The following FARSB variants were observed in gnomAD, a reference collection of about 807,000 sequenced individuals.
FARSB encodes phenylalanine--tRNA ligase beta subunit.
In FARSB, 40 loss-of-function variants were observed where a neutral mutation model predicts 69.6. The observed-to-expected ratio is 0.57, with a 90% confidence interval of 0.45 to 0.75. FARSB has a LOEUF of 0.75. Ranked by LOEUF, FARSB falls within the 30% of genes least tolerant of loss-of-function variation. The probability of loss-of-function intolerance (pLI) is 0.00; values close to 1 mark genes in which losing one functional copy is unlikely to be tolerated. For missense variants in FARSB, 632 were observed against 722.9 expected, an observed-to-expected ratio of 0.87 and a Z score of 1.44; for synonymous variants, 235 against 247.2, an observed-to-expected ratio of 0.95 and a Z score of 0.46.
chr2:222,643,289 C>G (rs1691768448), intron 2 of FARSB, among the ~76,000 whole-genome samples: 1 of 152,148 alleles, frequency 6.6e-6, no homozygotes, highest in Admixed American at 6.5e-5. Context: ...GCAATAGCCC[C>G]CTGGCCAAAT....
At chr2:222,576,384 A>AG (rs370201861) in intron 16 of FARSB, among the ~76,000 whole-genome samples, 138 of 151,642 alleles carry the variant, frequency 9.1e-4, no homozygotes, top group Middle Eastern at 3.4e-3. Context: ...CAAAATATAA[A>AG]GGGGGGGGCA....
Position 222,639,630 on chromosome 2 carries a change from T to C in FARSB, c.405A>G (p.Arg135=). ...VLRNIKFTKD[R]YDSFIELQEK... is the part of the protein sequence containing the mutation. ...CCTGAAGTTCAATGAAGCTGTCATA[T>C]CGATCTTTAGTAAACTTTATATTAC... Residue 135 remains arginine, a synonymous_variant, in exon 5 of 17, where the codon CGA becomes CGG. Coordinates refer to ENST00000281828, the MANE Select transcript of FARSB (RefSeq NM_005687.5). The C allele has an allele frequency of 6.3e-7, 1 of 1,598,448 alleles. No homozygotes were observed. Among genetic ancestry groups the C allele is most frequent in the Non-Finnish European group, 8.5e-7 (1 of 1,171,040 alleles).
chr2:222,613,955 T>C (rs771418814), intron 14 of FARSB, 27 bp from the exon 15 acceptor site: 2 of 1,399,734 alleles, frequency 1.4e-6, no homozygotes, highest in Non-Finnish European at 1.0e-6. Context: ...GAAATTGCAC[T>C]GACCAAATAG....
intron 15 of FARSB, among the ~76,000 whole-genome samples, chr2:222,613,520 G>C (rs1412485470): frequency 1.3e-5 from 2 of 152,200 alleles, no homozygotes; most frequent in Non-Finnish European, 2.9e-5. Context: ...ACTCCAGCCT[G>C]GGTGAAGAGT....
chr2:222,580,304 A>C (rs1488124897), intron 16 of FARSB, among the ~76,000 whole-genome samples: 1 of 152,034 alleles, frequency 6.6e-6, no homozygotes, highest in African/African-American at 2.4e-5. Context: ...CCTATTATTC[A>C]TTAGTATAAA....
intron 13 of FARSB, among the ~76,000 whole-genome samples, chr2:222,622,941 C>T (rs1691177515): frequency 6.6e-6 from 1 of 152,150 alleles, no homozygotes; most frequent in African/African-American, 2.4e-5. Flanking sequence ...CCCTTAAATA[C>T]TCTAAAATAT....
chr2:222,604,969 T>C (rs958646425), intron 15 of FARSB, among the ~76,000 whole-genome samples: 1 of 139,270 alleles, frequency 7.2e-6, no homozygotes, highest in Non-Finnish European at 1.6e-5. Context: ...CAGTGGGCCA[T>C]ATCTATGCCA....
At chr2:222,615,843 C>T (rs1218591375) in intron 14 of FARSB, among the ~76,000 whole-genome samples, 1 of 152,230 alleles carries the variant, frequency 6.6e-6, no homozygotes, top group African/African-American at 2.4e-5. Flanking sequence ...AAATATTATT[C>T]ATTTTCCCCA....
At chr2:222,590,548 CAAAAAAA>C (rs377051875) in intron 16 of FARSB, among the ~76,000 whole-genome samples, 1 of 114,064 alleles carries the variant, frequency 8.8e-6, no homozygotes, top group Non-Finnish European at 1.8e-5. Context: ...CCTTTTAGGC[CAAAAAAA>C]AAAAAAAAAA....
chr2:222,613,361 A>G (rs1167988294), intron 15 of FARSB, among the ~76,000 whole-genome samples: 3 of 152,128 alleles, frequency 2.0e-5, no homozygotes, highest in East Asian at 3.8e-4. Context: ...CCTGGCCAAC[A>G]TGGTGAAACA....
chr2:222,606,603 C>T (rs533643116), intron 15 of FARSB, among the ~76,000 whole-genome samples: 15 of 152,226 alleles, frequency 9.9e-5, no homozygotes, highest in East Asian at 9.6e-4. Context: ...AAAGGAGGGG[C>T]GGCTAGCTAC....
intron 1 of FARSB, among the ~76,000 whole-genome samples, chr2:222,655,453 T>C (rs1297295961): frequency 6.6e-6 from 1 of 152,204 alleles, no homozygotes; most frequent in Admixed American, 6.5e-5. Context: ...CCGAAATCAT[T>C]TTATTAACGT....
chr2:222,652,576 A>ATG (rs1652730583), intron 1 of FARSB, among the ~76,000 whole-genome samples: 1 of 152,204 alleles, frequency 6.6e-6, no homozygotes, highest in Non-Finnish European at 1.5e-5. Context: ...AAGTAGTCCT[A>ATG]TGGAGAGGAT....
chr2:222,623,396 C>A (rs186865690), intron 13 of FARSB, among the ~76,000 whole-genome samples: 306 of 152,260 alleles, frequency 2.0e-3, no homozygotes, highest in Non-Finnish European at 3.5e-3. Context: ...TCACATGAAA[C>A]TATAAAATAC....
chr2:222,607,778 C>T (rs1455530172), intron 15 of FARSB, among the ~76,000 whole-genome samples: 1 of 151,756 alleles, frequency 6.6e-6, no homozygotes, highest in Non-Finnish European at 1.5e-5. Flanking sequence ...AACAATTTTC[C>T]TTAAAATGCC....
chr2:222,640,985 ATAAT>A (rs903742887), intron 3 of FARSB, 54 bp from the exon 4 acceptor site: 1 of 897,378 alleles, frequency 1.1e-6, no homozygotes, highest in African/African-American at 1.7e-5. Flanking sequence ...ATTATATAAA[ATAAT>A]TACATTCTAT....
chr2:222,605,190 T>TCTCTCTCTCTCTCTCTCTCTCTCTCTCC (rs1690671325), intron 15 of FARSB, among the ~76,000 whole-genome samples: 1 of 151,890 alleles, frequency 6.6e-6, no homozygotes, highest in African/African-American at 2.4e-5. Flanking sequence ...TCTCTCTCTC[T>TCTCTCTCTCTCTCTCTCTCTCTCTCTCC]CTCTGTGTCT....
Position 222,634,532 on chromosome 2 carries a change from T to C in FARSB, c.465A>G (p.Ala155=), listed in dbSNP as rs1267683890. 14 of 1,611,546 alleles carry C rather than the reference T, an allele frequency of 8.7e-6. No homozygotes were observed. Among genetic ancestry groups the C allele is most frequent in the Non-Finnish European group, 1.2e-5 (14 of 1,178,872 alleles). The change falls in exon 6 of 17, where the codon GCA becomes GCG. Residue 155 remains alanine (A), a synonymous_variant. Coordinates refer to ENST00000281828, the MANE Select transcript of FARSB (RefSeq NM_005687.5). ...KLHQNICRKR[A]LVAIGTHDLD... ...AATCATGGGTACCAATGGCAACCAG[T>C]GCTCTTTTCCTAATTGTTGAGAGGT...
At chr2:222,635,034 C>T (rs11687259) in intron 5 of FARSB, among the ~76,000 whole-genome samples, 129,959 of 152,182 alleles carry the variant, frequency 0.85, 56,405 homozygotes, top group African/African-American at 0.97. Flanking sequence ...ATTTTAATTT[C>T]AACAGCTCTG....
Sources: allele counts gnomAD v4.1 joint callset (sites outside exome capture counted in the v4.1 genomes callset), GRCh38; gene constraint gnomAD v4.1.1; transcripts MANE v1.5; gene names NCBI Gene and HGNC (gene_info 2026-07-23, HGNC 2026-07-21).